The following COPS3 variants were observed in gnomAD, a reference collection of about 807,000 sequenced individuals.
The protein encoded by COPS3 is COP9 signalosome subunit 3, also known as COP9 signalosome complex subunit 3.
Under a neutral mutation model 58.2 loss-of-function variants are expected in COPS3, and 10 were observed. The observed-to-expected ratio is 0.17, with a 90% CI of 0.11 to 0.29. The LOEUF (loss-of-function observed/expected upper bound fraction) is 0.29, where lower values mean the gene tolerates loss of function less well. Among genes scored for constraint, COPS3 ranks in the 10% least tolerant of loss-of-function variants. The pLI is 1.00. For missense variants in COPS3, 333 were observed against 510.1 expected (o/e 0.65, Z 3.34); for synonymous variants, 187 against 181.7 (o/e 1.03, Z -0.24).
At position 17,270,938 on chromosome 17, in the gene COPS3, T is replaced by C. The variant is rs753941831; in HGVS notation, c.256A>G (p.Ser86Gly). ...TLFSQVQLFI[S>G]TCNGEHIRYA... is the part of the protein sequence containing the mutation. ...CGAATGTGCTCCCCATTACAAGTGC[T>C]GATGAAGAGCTGAACCTGTGAGAAT... Residue 86 changes from serine to glycine, a missense_variant, in exon 3 of 12, where the codon AGC (serine) becomes GGC (glycine). Physicochemically the swap from Ser to Gly is moderately conservative, Grantham distance 56. Coordinates refer to ENST00000268717, the MANE Select transcript of COPS3 (RefSeq NM_003653.4). 6.2e-7 allele frequency: 1 copy of C among 1,614,034 alleles called. No homozygotes were observed. The highest frequency in any genetic ancestry group is 1.7e-5 in the Admixed American group (1 of 59,968).
At chr17:17,280,717 G>C in intron 1 of COPS3, 1 of 1,266,910 alleles carries the variant, frequency 7.9e-7, no homozygotes, top group Non-Finnish European at 1.0e-6. Context: ...CCCGCTCCCG[G>C]CGGCCTAGTC....
intron 2 of COPS3, among the ~76,000 whole-genome samples, chr17:17,272,973 T>A: frequency 6.6e-6 from 1 of 152,244 alleles, no homozygotes; most frequent in East Asian, 1.9e-4. Flanking sequence ...TTAAGCTATT[T>A]AAGACCAAAT....
In COPS3 at chr17:17,270,783, G is replaced by T; in HGVS notation, c.323C>A (p.Thr108Lys). Residue 108 changes from threonine to lysine, a missense_variant, in exon 4 of 12, where the codon ACA becomes AAA. Transcript: ENST00000268717. ...DTFAGLCHQLTNALVERKQPL... is the reference protein window; with the variant it reads ...DTFAGLCHQLKNALVERKQPL... ...CTGTTTTCTTTCCACAAGTGCATTT[G>T]TTAGCTGATGGCAAAGCCCAGCAAC... 1 of 1,598,000 alleles carries T rather than the reference G, an allele frequency of 6.3e-7. No homozygotes were observed. Among genetic ancestry groups the T allele is most frequent in the Non-Finnish European group, 8.5e-7 (1 of 1,170,722 alleles).
At chr17:17,280,360 G>A (rs2048549034) in intron 1 of COPS3, among the ~76,000 whole-genome samples, 1 of 150,382 alleles carries the variant, frequency 6.6e-6, no homozygotes, top group South Asian at 2.1e-4. Context: ...CCGAGACCGC[G>A]CCACTGCACT....
intron 1 of COPS3, 124 bp from the exon 2 acceptor site, chr17:17,276,288 T>A: frequency 7.8e-7 from 1 of 1,276,680 alleles, no homozygotes; most frequent in Non-Finnish European, 1.1e-6. Flanking sequence ...TCTCCTTCAC[T>A]TCGGATGAGG....
In COPS3 at chr17:17,260,372, C is replaced by T. The variant is rs140397176; in HGVS notation, c.865G>A (p.Asp289Asn). Residue 289 changes from aspartate (D) to asparagine (N), a missense_variant, in exon 8 of 12, where the codon GAT becomes AAT. Coordinates refer to ENST00000268717, the MANE Select transcript of COPS3 (RefSeq NM_003653.4). ...TGCTTCACCAGCCCCATGTTGTTAT[C>T]GCGAGTGAAGGTTTCACTGTGCTTA... Reference protein sequence around the residue: ...VNKHSETFTRDNNMGLVKQCL... With the variant: ...VNKHSETFTRNNNMGLVKQCL... 2 of 1,614,110 alleles carry T rather than the reference C, an allele frequency of 1.2e-6. No individual in the cohort carries two copies. The highest frequency in any genetic ancestry group is 8.5e-7 in the Non-Finnish European group (1 of 1,180,018).
chr17:17,262,025 G>A lies in COPS3; in HGVS notation c.703C>T (p.Leu235Phe), dbSNP rs2048112542. 1.2e-6 allele frequency: 2 copies of A among 1,607,340 alleles called. No homozygotes were observed. Among genetic ancestry groups the A allele is most frequent in the Non-Finnish European group, 1.7e-6 (2 of 1,175,914 alleles). ...TTTGGTAGCTGTTGTACTTTGCCAA[G>A]TAATATCAAAGACACTAAAATATAC... is the stretch of plus-strand genomic sequence containing the variant. ...KKYILVSLIL[L>F]GKVQQLPKYT... The change falls in exon 7 of 12, where the codon CTT (leucine) becomes TTT (phenylalanine). Residue 235 changes from leucine to phenylalanine, a missense_variant. By Grantham distance (22) the Leu-to-Phe change is conservative. Transcript: ENST00000268717.
At chr17:17,266,560 AGGCTGAGGTGGGC>A (rs1369644204) in intron 5 of COPS3, among the ~76,000 whole-genome samples, 4 of 152,082 alleles carry the variant, frequency 2.6e-5, no homozygotes, top group African/African-American at 9.7e-5. Flanking sequence ...GCACTTTGGG[AGGCTGAGGTGGGC>A]GGATCGCTTG....
intron 5 of COPS3, among the ~76,000 whole-genome samples, chr17:17,267,298 A>G (rs1033297311): frequency 1.4e-5 from 2 of 146,042 alleles, no homozygotes; most frequent in African/African-American, 5.1e-5. Context: ...AGATGGCGCC[A>G]GCCTGGGCGA....
intron 10 of COPS3, 82 bp from the exon 11 acceptor site, chr17:17,247,642 G>T: frequency 1.5e-6 from 2 of 1,341,256 alleles, no homozygotes; most frequent in South Asian, 1.2e-5. Context: ...GTTCACAAGG[G>T]TGCTATAGGT....
chr17:17,281,055 C>T, intron 1 of COPS3, 77 bp downstream of exon 1: 2 of 1,494,492 alleles, frequency 1.3e-6, no homozygotes, highest in Non-Finnish European at 1.8e-6. Context: ...CTGTTCCAGC[C>T]GTCCGTGCTG....
chr17:17,268,184 C>A, intron 4 of COPS3: 1 of 561,478 alleles, frequency 1.8e-6, no homozygotes, highest in Non-Finnish European at 2.8e-6. Context: ...TTAGATAACT[C>A]AGCACCATTT....
At chr17:17,252,470 GCAC>G (rs1597660929) in intron 9 of COPS3, among the ~76,000 whole-genome samples, 8 of 152,142 alleles carry the variant, frequency 5.3e-5, no homozygotes, top group South Asian at 4.1e-4. Context: ...GCTGTCCTGG[GCAC>G]TGCAGGACGT....
intron 8 of COPS3, among the ~76,000 whole-genome samples, chr17:17,257,796 CAAA>C (rs1387883200): frequency 1.5e-4 from 9 of 60,154 alleles, no homozygotes; most frequent in Admixed American, 3.7e-4. Context: ...GACTCCGTCT[CAAA>C]AAAAAAAAAA....
At chr17:17,252,268 C>T (rs1411421080) in intron 9 of COPS3, among the ~76,000 whole-genome samples, 2 of 152,260 alleles carry the variant, frequency 1.3e-5, no homozygotes, top group East Asian at 3.9e-4. Flanking sequence ...AAAAAAAAAC[C>T]CTGGTCTCAC....
At position 17,246,965 on chromosome 17, in the gene COPS3, T is replaced by C; in HGVS notation, c.*133A>G. 1 of 789,792 alleles carries C rather than the reference T, an allele frequency of 1.3e-6. No individual in the cohort carries two copies. The highest frequency in any genetic ancestry group is 2.2e-6 in the Non-Finnish European group (1 of 445,056). 48.9% of individuals were successfully genotyped at this position (789,792 alleles called of 1,614,324 possible). On this transcript the variant is annotated 3_prime_UTR_variant, in exon 12 of 12. Coordinates refer to ENST00000268717, the MANE Select transcript of COPS3 (RefSeq NM_003653.4). ...ATGGTTTTCTGAAAGCACACAGGAC[T>C]GAAGATGTCAAAACAAAACTTAATT...
intron 1 of COPS3, chr17:17,280,670 C>T (rs2048560317): frequency 7.7e-7 from 1 of 1,306,432 alleles, no homozygotes; most frequent in Non-Finnish European, 1.0e-6. Flanking sequence ...AGAGGCGAGC[C>T]ATAGAGCCAA....
chr17:17,279,658 G>C (rs1377327829), intron 1 of COPS3, among the ~76,000 whole-genome samples: 1 of 152,160 alleles, frequency 6.6e-6, no homozygotes, highest in Non-Finnish European at 1.5e-5. Flanking sequence ...ATTTGTCCAA[G>C]GTCAAGCAGC....
intron 11 of COPS3, 69 bp from the exon 12 acceptor site, chr17:17,247,220 G>T: frequency 7.0e-7 from 1 of 1,436,782 alleles, no homozygotes; most frequent in Non-Finnish European, 9.8e-7. Flanking sequence ...AGCCCAATAA[G>T]CACACCAGTT....
Sources: gnomAD v4.1 joint callset for allele counts (sites outside exome capture counted in the v4.1 genomes callset) on GRCh38, gnomAD v4.1.1 for gene constraint, MANE v1.5 for transcripts, NCBI Gene and HGNC (gene_info 2026-07-23, HGNC 2026-07-21) for gene names.